Variants in SRGAP3 observed in about 807,000 individuals in gnomAD.
The protein encoded by SRGAP3 is SLIT-ROBO Rho GTPase-activating protein 3.
Under a neutral mutation model 121.1 loss-of-function variants are expected in SRGAP3, and 39 were observed. That is an observed-to-expected ratio of 0.32 (90% CI 0.25 to 0.42). The LOEUF is 0.42. Ranked by LOEUF, SRGAP3 falls within the 10% of genes least tolerant of loss-of-function variation. The pLI is 1.00. For missense variants in SRGAP3, 1,213 were observed against 1,470.6 expected, an observed-to-expected ratio of 0.82 and a Z score of 2.86; for synonymous variants, 601 against 570.0, an observed-to-expected ratio of 1.05 and a Z score of -0.77.
intron 1 of SRGAP3, among the ~76,000 whole-genome samples, chr3:9,248,559 C>T (rs1953906799): frequency 6.6e-6 from 1 of 152,094 alleles, no homozygotes; most frequent in Non-Finnish European, 1.5e-5. Flanking sequence ...TAGTGACTAT[C>T]AAAATGGCCT....
At chr3:9,305,422 T>TA (rs1955142514) in intron 3 of SRGAP3, among the ~76,000 whole-genome samples, 1 of 151,594 alleles carries the variant, frequency 6.6e-6, no homozygotes, top group African/African-American at 2.4e-5. Context: ...TTTATTTTTT[T>TA]ATTATACTTT....
intron 1 of SRGAP3, among the ~76,000 whole-genome samples, chr3:9,334,512 T>C (rs1037355253): frequency 6.6e-6 from 1 of 152,166 alleles, no homozygotes; most frequent in African/African-American, 2.4e-5. Context: ...GAAACATCAA[T>C]GGATACTATG....
At chr3:9,173,786 G>A (rs1338214013) in intron 1 of SRGAP3, among the ~76,000 whole-genome samples, 5 of 149,988 alleles carry the variant, frequency 3.3e-5, no homozygotes, top group African/African-American at 4.9e-5. Flanking sequence ...TTCTCTCCCC[G>A]AACACTGCTC....
intron 1 of SRGAP3, among the ~76,000 whole-genome samples, chr3:9,188,346 T>A (rs1951660170): frequency 6.6e-6 from 1 of 152,230 alleles, no homozygotes; most frequent in Non-Finnish European, 1.5e-5. Flanking sequence ...TGTCCATTTG[T>A]TATGTTACAC....
At chr3:9,292,031 A>T (rs1185446445) in intron 3 of SRGAP3, among the ~76,000 whole-genome samples, 2 of 152,216 alleles carry the variant, frequency 1.3e-5, no homozygotes, top group Admixed American at 1.3e-4. Flanking sequence ...TGATGTTAAC[A>T]GAAGGCATAA....
At chr3:9,059,339 C>CA (rs199620477) in intron 6 of SRGAP3, 8,439 of 152,084 alleles carry the variant, frequency 0.055, 333 homozygotes, top group South Asian at 0.13. Context: ...GCTGAAAGGG[C>CA]AAAAAAAGAA....
intron 3 of SRGAP3, among the ~76,000 whole-genome samples, chr3:9,303,254 A>G (rs560321647): frequency 6.6e-6 from 1 of 152,164 alleles, no homozygotes; most frequent in African/African-American, 2.4e-5. Flanking sequence ...GTAAAACCCC[A>G]TCTCTACTAA....
chr3:9,145,556 TACA>T (rs1294724898), intron 1 of SRGAP3, among the ~76,000 whole-genome samples: 3 of 152,230 alleles, frequency 2.0e-5, no homozygotes, highest in Admixed American at 2.0e-4. Context: ...TACAGATTCA[TACA>T]ACATTTATTA....
At chr3:9,361,441 G>C (rs780329760) in intron 1 of SRGAP3, among the ~76,000 whole-genome samples, 2 of 151,944 alleles carry the variant, frequency 1.3e-5, no homozygotes, top group Admixed American at 1.3e-4. Flanking sequence ...TTTTGGTTTT[G>C]TTTTGTTTTA....
intron 3 of SRGAP3, among the ~76,000 whole-genome samples, chr3:9,261,217 G>A (rs1335686968): frequency 1.3e-5 from 2 of 152,152 alleles, no homozygotes; most frequent in Non-Finnish European, 2.9e-5. Flanking sequence ...AAGGCCAAAG[G>A]TAGATAAAGC....
intron 12 of SRGAP3, among the ~76,000 whole-genome samples, chr3:9,027,295 C>T (rs1049403499): frequency 6.6e-6 from 1 of 152,234 alleles, no homozygotes; most frequent in Non-Finnish European, 1.5e-5. Flanking sequence ...GGAGAGGGAA[C>T]CACCTCGGGG....
intron 3 of SRGAP3, among the ~76,000 whole-genome samples, chr3:9,255,014 AAAAGAAAGAG>A (rs1345278718): frequency 9.7e-6 from 1 of 103,508 alleles, no homozygotes; most frequent in East Asian, 2.2e-4. Context: ...GAAGGAAGGA[AAAAGAAAGAG>A]AAAGAAAGGA....
chr3:9,267,240 T>A (rs560251381), intron 3 of SRGAP3, among the ~76,000 whole-genome samples: 10 of 152,110 alleles, frequency 6.6e-5, no homozygotes, highest in Non-Finnish European at 1.3e-4. Flanking sequence ...GAGAAAGATA[T>A]AGCTCCCAAG....
intron 1 of SRGAP3, among the ~76,000 whole-genome samples, chr3:9,351,971 G>A (rs866349246): frequency 5.3e-5 from 8 of 152,090 alleles, no homozygotes; most frequent in African/African-American, 1.2e-4. Flanking sequence ...TGGAAACAAC[G>A]GCAGCTGGGA....
intron 1 of SRGAP3, among the ~76,000 whole-genome samples, chr3:9,146,175 C>T (rs1034490302): frequency 6.6e-6 from 1 of 152,230 alleles, no homozygotes; most frequent in Non-Finnish European, 1.5e-5. Context: ...AATCGAGCTC[C>T]TTCCATCAAG....
At chr3:9,156,938 T>C (rs1950437155) in intron 1 of SRGAP3, among the ~76,000 whole-genome samples, 1 of 152,218 alleles carries the variant, frequency 6.6e-6, no homozygotes, top group South Asian at 2.1e-4. Context: ...AAAATATTTA[T>C]TAAGACCCTA....
At chr3:9,012,214 C>A (rs554133122) in intron 17 of SRGAP3, among the ~76,000 whole-genome samples, 1 of 152,276 alleles carries the variant, frequency 6.6e-6, no homozygotes, top group East Asian at 1.9e-4. Context: ...AGCAGCTGCC[C>A]AAATATGCTC....
At chr3:9,038,259 T>C (rs1005708510) in intron 10 of SRGAP3, among the ~76,000 whole-genome samples, 169 bp from the exon 11 acceptor site, 1 of 152,244 alleles carries the variant, frequency 6.6e-6, no homozygotes, top group African/African-American at 2.4e-5. Context: ...TTATTAATTC[T>C]TCATTAAAAG....
chr3:9,248,163 C>T (rs1363765335), intron 1 of SRGAP3, among the ~76,000 whole-genome samples: 1 of 152,240 alleles, frequency 6.6e-6, no homozygotes, highest in Non-Finnish European at 1.5e-5. Context: ...CCAGCCCAAA[C>T]GGCATGCCGA....
Sources: gnomAD v4.1 joint callset for allele counts (sites outside exome capture counted in the v4.1 genomes callset) on GRCh38, gnomAD v4.1.1 for gene constraint, MANE v1.5 for transcripts, NCBI Gene and HGNC (gene_info 2026-07-23, HGNC 2026-07-21) for gene names.